RAD51B: variants seen among roughly 807,000 people sequenced by gnomAD.
The protein encoded by RAD51B is DNA repair protein RAD51 homolog 2.
Under a neutral mutation model 42.2 loss-of-function variants are expected in RAD51B, and 38 were observed. That is an observed-to-expected ratio of 0.90 (90% CI 0.70 to 1.18). RAD51B has a LOEUF of 1.18. Ranked by LOEUF, RAD51B falls within the 50% of genes most tolerant of loss-of-function variation. The probability of loss-of-function intolerance (pLI) is 0.00; values close to 1 mark genes in which losing one functional copy is unlikely to be tolerated. For missense variants in RAD51B, 373 were observed against 400.7 expected, an observed-to-expected ratio of 0.93 and a Z score of 0.59; for synonymous variants, 154 against 145.2, an observed-to-expected ratio of 1.06 and a Z score of -0.43.
At chr14:68,624,018 A>C (rs1892012937) in intron 10 of RAD51B, among the ~76,000 whole-genome samples, 1 of 152,214 alleles carries the variant, frequency 6.6e-6, no homozygotes, top group Non-Finnish European at 1.5e-5. Flanking sequence ...CCTTTTGGTC[A>C]GGAAGGGGGC....
intron 10 of RAD51B, chr14:68,497,128 T>G: frequency 7.2e-7 from 1 of 1,393,988 alleles, no homozygotes; most frequent in South Asian, 1.2e-5. Flanking sequence ...TTGCAGCCTA[T>G]GGAAATTCCT....
intron 7 of RAD51B, among the ~76,000 whole-genome samples, chr14:68,212,432 A>G (rs2079730496): frequency 6.6e-6 from 1 of 152,236 alleles, no homozygotes; most frequent in Admixed American, 6.5e-5. Flanking sequence ...CAGCAGCAAC[A>G]ACAGCAGCAC....
At chr14:67,974,592 A>G (rs2074955395) in intron 7 of RAD51B, among the ~76,000 whole-genome samples, 1 of 152,152 alleles carries the variant, frequency 6.6e-6, no homozygotes, top group Non-Finnish European at 1.5e-5. Flanking sequence ...ATAGGCCTAA[A>G]GTTAGGGTAT....
intron 7 of RAD51B, among the ~76,000 whole-genome samples, chr14:68,239,459 TGCTCCAGCC>T (rs2080337047): frequency 6.6e-6 from 1 of 152,052 alleles, no homozygotes; most frequent in Non-Finnish European, 1.5e-5. Context: ...GCAGTCATCC[TGCTCCAGCC>T]TCAGCCTCTA....
At chr14:68,498,232 C>T (rs571249639) in intron 10 of RAD51B, among the ~76,000 whole-genome samples, 3 of 152,180 alleles carry the variant, frequency 2.0e-5, no homozygotes, top group South Asian at 2.1e-4. Flanking sequence ...ATAGTCTCCA[C>T]GTGAAGACAC....
At chr14:67,967,903 C>A (rs1300804587) in intron 7 of RAD51B, among the ~76,000 whole-genome samples, 1 of 152,234 alleles carries the variant, frequency 6.6e-6, no homozygotes, top group Non-Finnish European at 1.5e-5. Flanking sequence ...CCCATATTTC[C>A]CTTCCACACT....
intron 4 of RAD51B, among the ~76,000 whole-genome samples, chr14:67,844,288 G>A (rs920376627): frequency 2.6e-5 from 4 of 151,860 alleles, no homozygotes; most frequent in Non-Finnish European, 4.4e-5. Context: ...GTCAGTGTTA[G>A]AACATGTACC....
intron 10 of RAD51B, among the ~76,000 whole-genome samples, chr14:68,547,374 C>T (rs751977807): frequency 6.6e-6 from 1 of 152,174 alleles, no homozygotes; most frequent in Non-Finnish European, 1.5e-5. Flanking sequence ...CACTTCCTGT[C>T]GGCACGTACA....
chr14:68,274,840 G>C (rs935970743), intron 7 of RAD51B, among the ~76,000 whole-genome samples: 1 of 152,092 alleles, frequency 6.6e-6, no homozygotes, highest in African/African-American at 2.4e-5. Context: ...CCATAAACTG[G>C]TGGTTGCTGC....
chr14:68,463,948 A>G (rs2107340), intron 9 of RAD51B, among the ~76,000 whole-genome samples: 67,292 of 152,056 alleles, frequency 0.44, 15,850 homozygotes, highest in African/African-American at 0.61. Context: ...AGATTTTTGA[A>G]AATTACATCT....
chr14:68,450,684 ACT>A (rs140410117), intron 9 of RAD51B, among the ~76,000 whole-genome samples: 3,673 of 151,608 alleles, frequency 0.024, 135 homozygotes, highest in African/African-American at 0.083. Context: ...ATTCCTCATG[ACT>A]CTCTGTTTTG....
intron 9 of RAD51B, among the ~76,000 whole-genome samples, chr14:68,461,313 G>T (rs993936811): frequency 7.7e-6 from 1 of 130,424 alleles, no homozygotes; most frequent in Admixed American, 8.8e-5. Flanking sequence ...TCTTTGTCTT[G>T]AATCATGCAA....
At chr14:68,562,299 C>G (rs1889194118) in intron 10 of RAD51B, 1 of 985,390 alleles carries the variant, frequency 1.0e-6, no homozygotes, top group Non-Finnish European at 1.2e-6. Context: ...CTTTTGAACG[C>G]CAAACCTCTG....
intron 7 of RAD51B, among the ~76,000 whole-genome samples, chr14:67,968,929 G>T (rs1321282523): frequency 1.3e-5 from 2 of 152,156 alleles, no homozygotes; most frequent in African/African-American, 4.8e-5. Context: ...AGAAAAAGAG[G>T]TTTAATTGGA....
At chr14:68,321,264 G>A (rs988558376) in intron 8 of RAD51B, among the ~76,000 whole-genome samples, 5 of 152,206 alleles carry the variant, frequency 3.3e-5, no homozygotes, top group Admixed American at 6.5e-5. Flanking sequence ...ATCTTGCTCC[G>A]TACTGCAAGA....
At chr14:68,172,830 T>A (rs1170392064) in intron 7 of RAD51B, among the ~76,000 whole-genome samples, 1 of 152,200 alleles carries the variant, frequency 6.6e-6, no homozygotes, top group Non-Finnish European at 1.5e-5. Flanking sequence ...TGTGAATGAT[T>A]AACTAGTATT....
At chr14:68,103,171 C>T (rs1250437752) in intron 7 of RAD51B, among the ~76,000 whole-genome samples, 1 of 152,140 alleles carries the variant, frequency 6.6e-6, no homozygotes, top group Non-Finnish European at 1.5e-5. Context: ...AGTCAACCCC[C>T]ACACCAATGC....
chr14:68,656,618 A>T (rs984628187), intron 11 of RAD51B, among the ~76,000 whole-genome samples: 1 of 152,050 alleles, frequency 6.6e-6, no homozygotes, highest in Non-Finnish European at 1.5e-5. Flanking sequence ...TCTGGCCCAG[A>T]GCTCGCTCTC....
At chr14:68,365,512 A>G (rs1335424257) in intron 8 of RAD51B, among the ~76,000 whole-genome samples, 2 of 152,264 alleles carry the variant, frequency 1.3e-5, no homozygotes, top group East Asian at 1.9e-4. Context: ...AGAAACTGAG[A>G]TGAGGCAGAT....
Sources: gnomAD v4.1 joint callset for allele counts (sites outside exome capture counted in the v4.1 genomes callset) on GRCh38, gnomAD v4.1.1 for gene constraint, MANE v1.5 for transcripts, NCBI Gene and HGNC (gene_info 2026-07-23, HGNC 2026-07-21) for gene names.